The following ANO3 variants were observed in gnomAD, a reference collection of about 807,000 sequenced individuals.
The protein encoded by ANO3 is anoctamin-3.
In ANO3, 99 loss-of-function variants were observed where a neutral mutation model predicts 144.8. That is an observed-to-expected ratio of 0.68 (90% CI 0.58 to 0.81). ANO3 has a LOEUF of 0.81. Among genes scored for constraint, ANO3 ranks in the 30% least tolerant of loss-of-function variants. The probability of loss-of-function intolerance (pLI) is 0.00; values close to 1 mark genes in which losing one functional copy is unlikely to be tolerated. For synonymous variants in ANO3, 414 were observed against 392.6 expected, an observed-to-expected ratio of 1.05 and a Z score of -0.64; for missense variants, 905 against 1,202.2, an observed-to-expected ratio of 0.75 and a Z score of 3.66.
rs1858217201 is a variant in ANO3 at position 26,434,223 on chromosome 11, T to C, written c.47-7695T>C. Among the ~76,000 whole-genome samples the C allele has an allele frequency of 2.0e-5, 3 of 152,184 alleles. 1 individual carries two copies. Among genetic ancestry groups the C allele is most frequent in the South Asian group, 4.1e-4 (2 of 4,830 alleles). ...TTGTGTGCCTAGAGGTGTTCATTAA[T>C]ACTCTCTGATGGTTACTTTTATTCC... On this transcript the variant is annotated intron_variant, in intron 1 of 26. Coordinates refer to ENST00000256737, the MANE Select transcript of ANO3 (RefSeq NM_031418.4).
intron 1 of ANO3, among the ~76,000 whole-genome samples, chr11:26,390,110 A>C (rs908958250): frequency 1.3e-5 from 2 of 152,138 alleles, no homozygotes; most frequent in Non-Finnish European, 2.9e-5. Context: ...GTGTCTTCGA[A>C]CTGTTAGAGT....
chr11:26,615,414 A>ATATATATATATATATTTT (rs1352935016), intron 17 of ANO3, among the ~76,000 whole-genome samples: 23 of 130,680 alleles, frequency 1.8e-4, no homozygotes, highest in African/African-American at 4.2e-4. Context: ...ATATATATAT[A>ATATATATATATATATTTT]TTTTTTTTTT....
intron 6 of ANO3, among the ~76,000 whole-genome samples, chr11:26,517,920 G>T (rs1428972483): frequency 6.6e-6 from 1 of 151,972 alleles, no homozygotes; most frequent in African/African-American, 2.4e-5. Context: ...CAGAAATTAA[G>T]TGTTGGAAAC....
chr11:26,476,926 TGTGTGTGA>T (rs1171953967), intron 4 of ANO3, among the ~76,000 whole-genome samples: 17 of 145,790 alleles, frequency 1.2e-4, no homozygotes, highest in Middle Eastern at 3.4e-3. Context: ...TGTGTGTGTG[TGTGTGTGA>T]GAGAGAGAGA....
intron 1 of ANO3, among the ~76,000 whole-genome samples, chr11:26,234,232 T>C (rs1177811398): frequency 6.6e-6 from 1 of 152,236 alleles, no homozygotes; most frequent in Non-Finnish European, 1.5e-5. Flanking sequence ...GCTTACCTCC[T>C]ACTTTAGGAT....
chr11:26,325,152 G>A (rs1026902329), intron 1 of ANO3, among the ~76,000 whole-genome samples: 1 of 152,056 alleles, frequency 6.6e-6, no homozygotes, highest in Admixed American at 6.6e-5. Context: ...ATAAAACCAC[G>A]AATATGGAAG....
chr11:26,290,142 G>A (rs1481617470), intron 1 of ANO3, among the ~76,000 whole-genome samples: 3 of 151,912 alleles, frequency 2.0e-5, no homozygotes, highest in Admixed American at 6.6e-5. Flanking sequence ...GTCTTGGGAG[G>A]GCGTATGTGT....
At chr11:26,651,348 C>G (rs552130049) in intron 24 of ANO3, among the ~76,000 whole-genome samples, 7 of 152,210 alleles carry the variant, frequency 4.6e-5, no homozygotes, top group Admixed American at 4.6e-4. Context: ...GACGGAATGT[C>G]AATGAAAAAT....
At chr11:26,565,595 G>A (rs1850541252) in intron 14 of ANO3, 1 of 1,613,290 alleles carries the variant, frequency 6.2e-7, no homozygotes, top group Non-Finnish European at 8.5e-7. Context: ...ATGAGTTACT[G>A]GAGAAATCTG....
intron 1 of ANO3, among the ~76,000 whole-genome samples, chr11:26,334,606 A>G (rs1855146150): frequency 1.3e-5 from 2 of 152,214 alleles, no homozygotes; most frequent in African/African-American, 4.8e-5. Context: ...ACATAACATG[A>G]ACAGAATACA....
rs536523913 is a variant in ANO3 at position 26,536,792 on chromosome 11, T to C, written c.977-614T>C. 9.2e-5 allele frequency among the ~76,000 whole-genome samples: 14 copies of C among 152,284 alleles called. No individual in the cohort carries two copies. In the East Asian group the frequency reaches 1.7e-3, roughly 19 times the overall value. ...TTAAATGATTTATCAGTTTTGGATATGTAATTATTTCTAATTCTTTACTGA... is the reference window on the plus strand; with the variant it reads ...TTAAATGATTTATCAGTTTTGGATACGTAATTATTTCTAATTCTTTACTGA... On this transcript the variant is annotated intron_variant, in intron 9 of 26. Transcript: ENST00000256737.
intron 17 of ANO3, among the ~76,000 whole-genome samples, chr11:26,608,098 G>A (rs1054462797): frequency 6.6e-6 from 1 of 152,204 alleles, no homozygotes; most frequent in African/African-American, 2.4e-5. Context: ...TGAGACTGCT[G>A]ACCCTTGGAT....
intron 1 of ANO3, among the ~76,000 whole-genome samples, chr11:26,436,287 C>G (rs1440191043): frequency 2.6e-5 from 4 of 152,076 alleles, no homozygotes; most frequent in African/African-American, 9.7e-5. Context: ...CCCCTCACAC[C>G]AGGAGCTTTG....
chr11:26,269,155 C>A (rs928071191), intron 1 of ANO3, among the ~76,000 whole-genome samples: 5 of 152,192 alleles, frequency 3.3e-5, no homozygotes. Flanking sequence ...CAATAATACA[C>A]TTCAGGACTC....
intron 17 of ANO3, among the ~76,000 whole-genome samples, chr11:26,611,797 G>A (rs573986939): frequency 6.6e-6 from 1 of 152,120 alleles, no homozygotes; most frequent in Non-Finnish European, 1.5e-5. Context: ...TCTGGTGTTA[G>A]GTACATATAT....
In ANO3 at chr11:26,476,920, T is replaced by A. The variant is rs1354217610; in HGVS notation, c.432+13772T>A. ...GTGTGTGTATGTGTGTGTGTGTGTG[T>A]GTGTGTGTGTGTGAGAGAGAGAGAG... On this transcript the variant is annotated intron_variant, in intron 4 of 26. Coordinates refer to ENST00000256737, the MANE Select transcript of ANO3 (RefSeq NM_031418.4). 3.4e-3 allele frequency among the ~76,000 whole-genome samples: 500 copies of A among 144,968 alleles called. 2 individuals are homozygous for A. The highest frequency in any genetic ancestry group is 0.012 in the African/African-American group (477 of 38,958).
chr11:26,464,390 G>A (rs937248497), intron 4 of ANO3, among the ~76,000 whole-genome samples: 1 of 151,836 alleles, frequency 6.6e-6, no homozygotes, highest in African/African-American at 2.4e-5. Flanking sequence ...TGAACTGAGA[G>A]GAGGAGTTAT....
At chr11:26,564,779 A>C (rs563237530) in intron 14 of ANO3, among the ~76,000 whole-genome samples, 1 of 102,872 alleles carries the variant, frequency 9.7e-6, no homozygotes, top group Non-Finnish European at 2.0e-5. Context: ...ATATATATAT[A>C]TATATAAGTT....
At chr11:26,238,634 C>T (rs1476648834) in intron 1 of ANO3, among the ~76,000 whole-genome samples, 1 of 151,794 alleles carries the variant, frequency 6.6e-6, no homozygotes, top group Non-Finnish European at 1.5e-5. Context: ...GATTTCTGCC[C>T]TTGAGTAGAT....
Sources: gnomAD v4.1 joint callset for allele counts (sites outside exome capture counted in the v4.1 genomes callset) on GRCh38, gnomAD v4.1.1 for gene constraint, MANE v1.5 for transcripts, NCBI Gene and HGNC (gene_info 2026-07-23, HGNC 2026-07-21) for gene names.